Variants in SELENOF observed in about 807,000 individuals in gnomAD.
The protein encoded by SELENOF is 15 kDa selenoprotein.
A neutral mutation model predicts 20.5 loss-of-function variants in SELENOF; 16 were observed. That is an observed-to-expected ratio of 0.78 (90% CI 0.53 to 1.19). The LOEUF is 1.19. SELENOF is among the 50% of genes most tolerant of loss of function. The probability of loss-of-function intolerance (pLI) is 0.00; values close to 1 mark genes in which losing one functional copy is unlikely to be tolerated. For synonymous variants in SELENOF, 78 were observed against 74.5 expected (o/e 1.05, Z -0.24); for missense variants, 215 against 194.2 (o/e 1.11, Z -0.64).
chr1:86,886,434 T>C (rs1361034213), intron 2 of SELENOF, among the ~76,000 whole-genome samples: 2 of 91,658 alleles, frequency 2.2e-5, no homozygotes, highest in Non-Finnish European at 4.7e-5. Flanking sequence ...GTTACAGTAC[T>C]TTTTTTTTTT....
At chr1:86,891,679 A>G (rs1319405326) in intron 2 of SELENOF, among the ~76,000 whole-genome samples, 5 of 152,192 alleles carry the variant, frequency 3.3e-5, no homozygotes, top group African/African-American at 1.2e-4. Flanking sequence ...GTTCAATTAA[A>G]TAACTTCATA....
chr1:86,913,869 T>C (rs1169557076), intron 1 of SELENOF, 159 bp downstream of exon 1: 2 of 661,246 alleles, frequency 3.0e-6, no homozygotes, highest in Non-Finnish European at 5.4e-6. Flanking sequence ...AGGAGAAGGA[T>C]CAACCGAGAA....
intron 3 of SELENOF, among the ~76,000 whole-genome samples, chr1:86,872,541 T>C (rs1050129509): frequency 1.3e-5 from 2 of 151,810 alleles, no homozygotes; most frequent in Non-Finnish European, 1.5e-5. Context: ...GCTAATGTTT[T>C]TTTTTTTTTT....
At chr1:86,869,155 C>A (rs959828844) in intron 3 of SELENOF, among the ~76,000 whole-genome samples, 3 of 152,124 alleles carry the variant, frequency 2.0e-5, no homozygotes, top group African/African-American at 7.2e-5. Flanking sequence ...TATAAATAGG[C>A]ACATCCTTCC....
At chr1:86,876,950 A>ATAAC (rs1658937271) in intron 3 of SELENOF, among the ~76,000 whole-genome samples, 1 of 152,204 alleles carries the variant, frequency 6.6e-6, no homozygotes, top group South Asian at 2.1e-4. Context: ...AATATTGCAT[A>ATAAC]TGAGAAAGGC....
intron 2 of SELENOF, among the ~76,000 whole-genome samples, chr1:86,889,909 C>T (rs754829116): frequency 6.6e-6 from 1 of 152,206 alleles, no homozygotes; most frequent in Non-Finnish European, 1.5e-5. Flanking sequence ...GCCCTTGTAT[C>T]TTGCCTCTGG....
chr1:86,909,326 G>A (rs1204947917), intron 1 of SELENOF, among the ~76,000 whole-genome samples: 2 of 152,114 alleles, frequency 1.3e-5, no homozygotes, highest in Non-Finnish European at 2.9e-5. Context: ...TACTACAGAA[G>A]AGACATGAAT....
chr1:86,889,289 A>T (rs538260), intron 2 of SELENOF, among the ~76,000 whole-genome samples: 17,632 of 152,166 alleles, frequency 0.12, 1,640 homozygotes, highest in African/African-American at 0.25. Flanking sequence ...TTCAAAATAA[A>T]TTTTTCTTCA....
chr1:86,872,934 G>A (rs1033568405), intron 3 of SELENOF, among the ~76,000 whole-genome samples: 13 of 152,170 alleles, frequency 8.5e-5, no homozygotes, highest in African/African-American at 2.9e-4. Context: ...CGGCTACTCC[G>A]GAGGCTGAGG....
chr1:86,889,936 T>C (rs1659334045), intron 2 of SELENOF, among the ~76,000 whole-genome samples: 1 of 152,230 alleles, frequency 6.6e-6, no homozygotes, highest in African/African-American at 2.4e-5. Flanking sequence ...GCAAACTATT[T>C]TTCTGGCATA....
chr1:86,882,160 A>C (rs1163721755), intron 2 of SELENOF, among the ~76,000 whole-genome samples: 2 of 144,234 alleles, frequency 1.4e-5, no homozygotes, highest in Non-Finnish European at 3.0e-5. Context: ...TGAACCCAGG[A>C]GGCGGAGGTT....
At chr1:86,866,148 G>A (rs1442259349) in intron 4 of SELENOF, among the ~76,000 whole-genome samples, 2 of 131,618 alleles carry the variant, frequency 1.5e-5, no homozygotes, top group Admixed American at 8.9e-5. Context: ...AGTGAGCTGT[G>A]ATCACATCAC....
intron 4 of SELENOF, among the ~76,000 whole-genome samples, chr1:86,866,304 T>C (rs1369901137): frequency 6.9e-6 from 1 of 144,886 alleles, no homozygotes; most frequent in Non-Finnish European, 1.5e-5. Context: ...AAGGAAATCC[T>C]GTCACACAAT....
At chr1:86,883,730 C>T (rs533877943) in intron 2 of SELENOF, among the ~76,000 whole-genome samples, 6 of 152,018 alleles carry the variant, frequency 3.9e-5, no homozygotes, top group East Asian at 3.9e-4. Flanking sequence ...AATGATTGTA[C>T]GGAGCACTGC....
At chr1:86,911,979 C>G (rs759765214) in intron 1 of SELENOF, among the ~76,000 whole-genome samples, 1 of 152,000 alleles carries the variant, frequency 6.6e-6, no homozygotes, top group Non-Finnish European at 1.5e-5. Flanking sequence ...ACCGTGTTGG[C>G]CAGACTAGTC....
chr1:86,903,935 C>G (rs900030908), intron 1 of SELENOF, among the ~76,000 whole-genome samples: 1 of 152,162 alleles, frequency 6.6e-6, no homozygotes, highest in Admixed American at 6.5e-5. Flanking sequence ...TCTCCCACCT[C>G]CCCTACAAGC....
In SELENOF at chr1:86,914,084, C is replaced by G; in HGVS notation, c.28G>C (p.Gly10Arg). 6.2e-7 allele frequency: 1 copy of G among 1,613,992 alleles called. No individual in the cohort carries two copies. The highest frequency in any genetic ancestry group is 1.3e-5 in the African/African-American group (1 of 75,046). The change falls in exon 1 of 5, where the codon GGG becomes CGG. Residue 10 changes from glycine to arginine, a missense_variant. Physicochemically the swap from Gly to Arg is moderately radical, Grantham distance 125. Coordinates refer to ENST00000331835, the MANE Select transcript of SELENOF (RefSeq NM_004261.5). ...AGCCCAAACGCCGGCACCAGACACC[C>G]ACTCGGCCCAGCCGCCATCGCTACC... The part of the protein sequence containing the change: MVAMAAGPS[G>R]CLVPAFGLRL...
At chr1:86,914,169 A>G (rs1660074873), upstream of SELENOF, 1 of 1,497,356 alleles carries the variant, frequency 6.7e-7, no homozygotes, top group Non-Finnish European at 9.3e-7. Context: ...TCCACTCCAG[A>G]GCCTGATCCA....
intron 3 of SELENOF, among the ~76,000 whole-genome samples, chr1:86,875,941 G>T (rs994802586): frequency 1.3e-5 from 2 of 152,084 alleles, no homozygotes; most frequent in Non-Finnish European, 2.9e-5. Context: ...CTAGAGATGT[G>T]AATCTAGAAG....
Sources: gnomAD v4.1 joint callset for allele counts (sites outside exome capture counted in the v4.1 genomes callset) on GRCh38, gnomAD v4.1.1 for gene constraint, MANE v1.5 for transcripts, NCBI Gene and HGNC (gene_info 2026-07-23, HGNC 2026-07-21) for gene names.